Variants in SLC25A48 observed in about 807,000 individuals in gnomAD.
SLC25A48 encodes solute carrier family 25 member 48, also known as CTC-321K16.1.
Under a neutral mutation model 32.2 loss-of-function variants are expected in SLC25A48, and 29 were observed. The observed-to-expected ratio is 0.90, with a 90% CI of 0.67 to 1.23. SLC25A48 has a LOEUF of 1.23. Ranked by LOEUF, SLC25A48 falls within the 50% of genes most tolerant of loss-of-function variation. The pLI is 0.00. For missense variants in SLC25A48, 399 were observed against 422.7 expected, an observed-to-expected ratio of 0.94 and a Z score of 0.49; for synonymous variants, 164 against 172.3, an observed-to-expected ratio of 0.95 and a Z score of 0.38.
At chr5:135,608,258 A>G (rs1351796064) in intron 1 of SLC25A48, among the ~76,000 whole-genome samples, 1 of 152,156 alleles carries the variant, frequency 6.6e-6, no homozygotes, top group Non-Finnish European at 1.5e-5. Flanking sequence ...GGGAGGAGAA[A>G]TCATATGGTT....
intron 6 of SLC25A48, 25 bp from the exon 7 acceptor site, chr5:135,879,943 G>T (rs1762340329): frequency 2.0e-6 from 3 of 1,535,726 alleles, no homozygotes; most frequent in East Asian, 4.9e-5. Flanking sequence ...TCAGTCCCCT[G>T]CAATAACCTG....
chr5:135,651,680 C>G (rs1753117337), intron 3 of SLC25A48, among the ~76,000 whole-genome samples: 1 of 152,170 alleles, frequency 6.6e-6, no homozygotes, highest in Non-Finnish European at 1.5e-5. Flanking sequence ...AATAATTCTT[C>G]ATATTAAACT....
intron 2 of SLC25A48, among the ~76,000 whole-genome samples, chr5:135,846,474 G>A (rs367697977): frequency 6.6e-6 from 1 of 152,178 alleles, no homozygotes; most frequent in Admixed American, 6.5e-5. Context: ...CCAGGGCATG[G>A]CTTGCTCTGC....
chr5:135,829,045 G>C (rs1346387853), intron 4 of SLC25A48, among the ~76,000 whole-genome samples: 1 of 152,168 alleles, frequency 6.6e-6, no homozygotes, highest in East Asian at 1.9e-4. Context: ...CTCTATTTGA[G>C]GTCAGGCCTG....
chr5:135,660,730 G>C (rs1753376582), intron 3 of SLC25A48, among the ~76,000 whole-genome samples: 1 of 137,374 alleles, frequency 7.3e-6, no homozygotes, highest in Non-Finnish European at 1.5e-5. Flanking sequence ...ATGAAGAACA[G>C]TGCTTCTCAA....
intron 3 of SLC25A48, among the ~76,000 whole-genome samples, chr5:135,678,824 T>C (rs1753828054): frequency 6.6e-6 from 1 of 152,196 alleles, no homozygotes; most frequent in African/African-American, 2.4e-5. Flanking sequence ...TGTGATTTCC[T>C]CAGTAGCTTA....
At chr5:135,700,860 C>T (rs530193897) in intron 3 of SLC25A48, among the ~76,000 whole-genome samples, 1 of 152,350 alleles carries the variant, frequency 6.6e-6, no homozygotes, top group Non-Finnish European at 1.5e-5. Context: ...CCGAGGCCTG[C>T]CAGGCCTGCC....
At chr5:135,734,356 C>A (rs1367174294) in intron 3 of SLC25A48, among the ~76,000 whole-genome samples, 1 of 151,956 alleles carries the variant, frequency 6.6e-6, no homozygotes, top group East Asian at 1.9e-4. Flanking sequence ...AGGAACTGGG[C>A]AGGTGGGGAT....
intron 1 of SLC25A48, among the ~76,000 whole-genome samples, chr5:135,595,956 A>G (rs1214933038): frequency 6.6e-6 from 1 of 152,204 alleles, no homozygotes; most frequent in Non-Finnish European, 1.5e-5. Context: ...TTTGGGCACC[A>G]GCCCTCCCAG....
At chr5:135,747,408 C>A (rs948342239) in intron 3 of SLC25A48, among the ~76,000 whole-genome samples, 77 of 150,676 alleles carry the variant, frequency 5.1e-4, no homozygotes, top group African/African-American at 1.9e-3. Flanking sequence ...TCAATTTTTC[C>A]CCCCAAGTGT....
chr5:135,862,141 G>A (rs1760847500), intron 4 of SLC25A48, among the ~76,000 whole-genome samples: 1 of 152,256 alleles, frequency 6.6e-6, no homozygotes, highest in African/African-American at 2.4e-5. Context: ...CTAACTAGGT[G>A]GCCTGTTGAG....
intron 1 of SLC25A48, among the ~76,000 whole-genome samples, chr5:135,602,271 A>G (rs1751814425): frequency 6.6e-6 from 1 of 152,242 alleles, no homozygotes; most frequent in Non-Finnish European, 1.5e-5. Context: ...GTGTTCACCA[A>G]TGTACTTTCC....
At chr5:135,639,048 G>A (rs769770045) in intron 3 of SLC25A48, among the ~76,000 whole-genome samples, 1 of 152,168 alleles carries the variant, frequency 6.6e-6, no homozygotes, top group Non-Finnish European at 1.5e-5. Flanking sequence ...AGTAGTATTA[G>A]TCTCATAGCC....
chr5:135,659,267 C>A (rs941385664), intron 3 of SLC25A48, among the ~76,000 whole-genome samples: 2 of 152,212 alleles, frequency 1.3e-5, no homozygotes, highest in Non-Finnish European at 2.9e-5. Flanking sequence ...TACCATAAAT[C>A]ATCTCTCAAA....
intron 2 of SLC25A48, among the ~76,000 whole-genome samples, chr5:135,847,078 C>A (rs939166016): frequency 6.6e-6 from 1 of 152,144 alleles, no homozygotes; most frequent in Non-Finnish European, 1.5e-5. Context: ...AAGATAATGG[C>A]AAGACCATCA....
chr5:135,821,058 T>C (rs1479614578), intron 4 of SLC25A48, among the ~76,000 whole-genome samples: 1 of 152,206 alleles, frequency 6.6e-6, no homozygotes, highest in African/African-American at 2.4e-5. Context: ...GAGCCCCCTT[T>C]TCAGGCTGGT....
chr5:135,835,006 C>A (rs1758378366), intron 1 of SLC25A48, 113 bp downstream of exon 1: 2 of 1,323,420 alleles, frequency 1.5e-6, no homozygotes, highest in Non-Finnish European at 2.1e-6. Context: ...CCCCGTTGTG[C>A]GCGCAGCCTG....
intron 1 of SLC25A48, among the ~76,000 whole-genome samples, chr5:135,624,967 C>T (rs2126901814): frequency 6.6e-6 from 1 of 152,256 alleles, no homozygotes; most frequent in Non-Finnish European, 1.5e-5. Context: ...CTGTGCCAGG[C>T]CCAGGGCTGG....
At chr5:135,661,358 G>C (rs1437945428) in intron 3 of SLC25A48, among the ~76,000 whole-genome samples, 1 of 152,216 alleles carries the variant, frequency 6.6e-6, no homozygotes, top group Non-Finnish European at 1.5e-5. Context: ...TTACATCAGT[G>C]ACAGTAATGG....
Sources: gnomAD v4.1 joint callset for allele counts (sites outside exome capture counted in the v4.1 genomes callset) on GRCh38, gnomAD v4.1.1 for gene constraint, MANE v1.5 for transcripts, NCBI Gene and HGNC (gene_info 2026-07-23, HGNC 2026-07-21) for gene names.